RYR3: variants seen among roughly 807,000 people sequenced by gnomAD.
RYR3 encodes ryanodine receptor 3, also known as brain ryanodine receptor-calcium release channel.
Under a neutral mutation model 584.3 loss-of-function variants are expected in RYR3, and 207 were observed. That is an observed-to-expected ratio of 0.35 (90% CI 0.32 to 0.40). The LOEUF (loss-of-function observed/expected upper bound fraction) is 0.40, where lower values mean the gene tolerates loss of function less well. Ranked by LOEUF, RYR3 falls within the 10% of genes least tolerant of loss-of-function variation. The probability of loss-of-function intolerance (pLI) is 1.00; values close to 1 mark genes in which losing one functional copy is unlikely to be tolerated. For synonymous variants in RYR3, 2,416 were observed against 2,248.5 expected (o/e 1.07, Z -2.11); for missense variants, 5,616 against 6,089.2 (o/e 0.92, Z 2.59).
chr15:33,579,116 G>A (rs2058467108), intron 12 of RYR3, among the ~76,000 whole-genome samples: 2 of 152,060 alleles, frequency 1.3e-5, no homozygotes, highest in South Asian at 2.1e-4. Flanking sequence ...ATGGGGTTGG[G>A]GAACACCAAG....
intron 1 of RYR3, among the ~76,000 whole-genome samples, chr15:33,320,380 T>C (rs1338354412): frequency 2.0e-5 from 3 of 152,208 alleles, no homozygotes; most frequent in African/African-American, 7.2e-5. Context: ...GTAGACATCA[T>C]GAAATCTAAA....
At chr15:33,711,490 G>C (rs960655104) in intron 43 of RYR3, among the ~76,000 whole-genome samples, 4 of 151,896 alleles carry the variant, frequency 2.6e-5, no homozygotes, top group African/African-American at 9.7e-5. Flanking sequence ...TGATCCACCC[G>C]CCTCGGCCTC....
intron 1 of RYR3, among the ~76,000 whole-genome samples, chr15:33,471,419 A>G (rs2048916433): frequency 6.6e-6 from 1 of 152,068 alleles, no homozygotes; most frequent in South Asian, 2.1e-4. Flanking sequence ...GATGTGACTT[A>G]TAGGATGGGG....
intron 60 of RYR3, among the ~76,000 whole-genome samples, chr15:33,763,716 A>G (rs536741832): frequency 6.6e-6 from 1 of 151,856 alleles, no homozygotes; most frequent in East Asian, 1.9e-4. Context: ...ACATGGTGAA[A>G]CCCCGTCTCT....
intron 94 of RYR3, 110 bp from the exon 95 acceptor site, chr15:33,852,935 G>T (rs749257112): frequency 8.7e-6 from 8 of 915,884 alleles, no homozygotes; most frequent in Non-Finnish European, 1.4e-5. Flanking sequence ...TGGTGAGCAG[G>T]ACACAAACCA....
At chr15:33,346,829 T>G (rs896209098) in intron 1 of RYR3, among the ~76,000 whole-genome samples, 3 of 152,138 alleles carry the variant, frequency 2.0e-5, no homozygotes, top group Non-Finnish European at 4.4e-5. Flanking sequence ...TTTTTAAAAT[T>G]ACTAGGCTTT....
At chr15:33,699,650 A>G (rs1596223589) in intron 40 of RYR3, 54 bp from the exon 41 acceptor site, 1 of 1,565,508 alleles carries the variant, frequency 6.4e-7, no homozygotes, top group Non-Finnish European at 8.7e-7. Context: ...CAGAGTTTTC[A>G]GAAAGGCCTC....
intron 27 of RYR3, among the ~76,000 whole-genome samples, chr15:33,639,203 G>A (rs1009608160): frequency 6.6e-6 from 1 of 152,164 alleles, no homozygotes; most frequent in Admixed American, 6.5e-5. Context: ...TGTGTACAGG[G>A]ATGTGATTTG....
chr15:33,628,137 G>A (rs2061087269), intron 20 of RYR3, among the ~76,000 whole-genome samples: 1 of 152,244 alleles, frequency 6.6e-6, no homozygotes, highest in Non-Finnish European at 1.5e-5. Flanking sequence ...ACCATGGTTA[G>A]AAATGGCCTG....
Position 33,551,462 on chromosome 15 carries a change from C to T in RYR3, c.972+1146C>T, listed in dbSNP as rs568640673. On this transcript the variant is annotated intron_variant, in intron 10 of 103. Coordinates refer to ENST00000634891, the MANE Select transcript of RYR3 (RefSeq NM_001036.6). ...CTGAAGAAGATAGTCAGCACTGTCC[C>T]CTTCTTTGGTGCAGGGGTTCGGAGT... 2.0e-5 allele frequency among the ~76,000 whole-genome samples: 3 copies of T among 152,254 alleles called. No homozygotes were observed. The East Asian group carries it at 5.8e-4, about 29-fold the overall frequency.
At chr15:33,803,516 CT>C (rs905368665) in intron 69 of RYR3, among the ~76,000 whole-genome samples, 17 of 150,004 alleles carry the variant, frequency 1.1e-4, no homozygotes, top group African/African-American at 3.2e-4. Context: ...TCCATACTAT[CT>C]TTTTTTTTTA....
chr15:33,314,846 G>A (rs1448437172), intron 1 of RYR3, among the ~76,000 whole-genome samples: 1 of 152,118 alleles, frequency 6.6e-6, no homozygotes, highest in Non-Finnish European at 1.5e-5. Flanking sequence ...CCCGGGAGGC[G>A]GAGCCTGCAG....
chr15:33,339,538 A>G (rs781316318), intron 1 of RYR3, among the ~76,000 whole-genome samples: 12 of 152,180 alleles, frequency 7.9e-5, no homozygotes, highest in Non-Finnish European at 1.6e-4. Context: ...GGAATCACAA[A>G]AAGCCAAAGA....
Position 33,684,467 on chromosome 15 carries a change from C to G in RYR3, c.5861-11751C>G, listed in dbSNP as rs1057067255. On this transcript the variant is annotated intron_variant, in intron 38 of 103. Coordinates refer to ENST00000634891, the MANE Select transcript of RYR3 (RefSeq NM_001036.6). ...GCATCAACATTAAAAAAAAGGACATCCACACCAAAACCCCATCTGTAGGTC... is the reference window on the plus strand; with the variant it reads ...GCATCAACATTAAAAAAAAGGACATGCACACCAAAACCCCATCTGTAGGTC... 1.9e-4 allele frequency among the ~76,000 whole-genome samples: 29 copies of G among 151,984 alleles called. 1 individual carries two copies. The highest frequency in any genetic ancestry group is 6.8e-4 in the African/African-American group (28 of 41,382).
intron 72 of RYR3, among the ~76,000 whole-genome samples, chr15:33,811,467 G>C (rs1167603622): frequency 1.3e-5 from 2 of 151,128 alleles, no homozygotes; most frequent in Non-Finnish European, 2.9e-5. Context: ...GCCGAGATCA[G>C]GCCACTGCAC....
chr15:33,668,277 A>G (rs1286803484), intron 36 of RYR3, among the ~76,000 whole-genome samples: 1 of 152,120 alleles, frequency 6.6e-6, no homozygotes, highest in Non-Finnish European at 1.5e-5. Context: ...GGATTGTGCC[A>G]CTGCACTCCA....
intron 58 of RYR3, 61 bp from the exon 59 acceptor site, chr15:33,756,245 T>C: frequency 8.8e-7 from 1 of 1,136,402 alleles, no homozygotes. Context: ...GTTTCTAAAA[T>C]GTTGTGACTG....
intron 60 of RYR3, among the ~76,000 whole-genome samples, chr15:33,763,313 C>A (rs1429345575): frequency 6.6e-6 from 1 of 152,098 alleles, no homozygotes; most frequent in Non-Finnish European, 1.5e-5. Context: ...AAAGAAACTA[C>A]CATCAGAGTG....
At chr15:33,503,298 G>T (rs755446102) in intron 2 of RYR3, among the ~76,000 whole-genome samples, 3 of 152,026 alleles carry the variant, frequency 2.0e-5, no homozygotes, top group Non-Finnish European at 4.4e-5. Flanking sequence ...TCTTTCTCTG[G>T]TCTCACCCAG....
Sources: gnomAD v4.1 joint callset for allele counts (sites outside exome capture counted in the v4.1 genomes callset) on GRCh38, gnomAD v4.1.1 for gene constraint, MANE v1.5 for transcripts, NCBI Gene and HGNC (gene_info 2026-07-23, HGNC 2026-07-21) for gene names.